The following UNC13C variants were observed in gnomAD, a reference collection of about 807,000 sequenced individuals.
The protein encoded by UNC13C is protein unc-13 homolog C.
In UNC13C, 174 loss-of-function variants were observed where a neutral mutation model predicts 245.4. That is an observed-to-expected ratio of 0.71 (90% CI 0.63 to 0.80). UNC13C has a LOEUF of 0.80. Among genes scored for constraint, UNC13C ranks in the 30% least tolerant of loss-of-function variants. UNC13C has a pLI of 0.00. For synonymous variants in UNC13C, 992 were observed against 895.1 expected (o/e 1.11, Z -1.93); for missense variants, 2,829 against 2,602.9 (o/e 1.09, Z -1.89).
chr15:54,459,640 G>A (rs1002718687), intron 19 of UNC13C, among the ~76,000 whole-genome samples: 1 of 151,866 alleles, frequency 6.6e-6, no homozygotes, highest in Non-Finnish European at 1.5e-5. Flanking sequence ...TGAAAGCCTT[G>A]TCTTTGAGTT....
chr15:54,001,959 G>A (rs769618897), intron 1 of UNC13C, among the ~76,000 whole-genome samples: 19 of 152,214 alleles, frequency 1.2e-4, no homozygotes, highest in Admixed American at 2.6e-4. Flanking sequence ...CACTTGAACA[G>A]TATGATGCGG....
intron 17 of UNC13C, among the ~76,000 whole-genome samples, chr15:54,391,770 A>G (rs1043611485): frequency 3.3e-5 from 5 of 152,140 alleles, no homozygotes; most frequent in African/African-American, 1.2e-4. Flanking sequence ...TATGCTCTTA[A>G]AAGTACATTA....
Position 54,297,911 on chromosome 15 carries a change from T to C in UNC13C, c.4089T>C (p.Tyr1363=). The C allele has an allele frequency of 6.4e-7, 1 of 1,567,724 alleles. No individual in the cohort carries two copies. Among genetic ancestry groups the C allele is most frequent in the African/African-American group, 1.4e-5 (1 of 73,754 alleles). The change falls in exon 12 of 33, where the codon TAT becomes TAC. Residue 1363 remains tyrosine (Y), a synonymous_variant. Coordinates refer to ENST00000260323, the MANE Select transcript of UNC13C (RefSeq NM_001080534.3). ...EEKVAPYHIQ[Y]TCLHENLFHY... ...AGGTTGCTCCATATCATATTCAATA[T>C]ACATGTTTACATGAGGTAAATAAAT...
chr15:54,014,460 C>T lies in UNC13C; in HGVS notation c.1557C>T (p.Ile519=), dbSNP rs1352502972. 8 of 1,613,716 alleles carry T rather than the reference C, an allele frequency of 5.0e-6. No homozygotes were observed. The highest frequency in any genetic ancestry group is 6.8e-6 in the Non-Finnish European group (8 of 1,179,796). Residue 519 remains isoleucine, a synonymous_variant, in exon 2 of 33, where the codon ATC becomes ATT. Transcript: ENST00000260323. ...CCTCACAGTTGCCAGAATCAGATATCTTGGAAAAGCAAACCACAACCCATT... is the reference window on the plus strand; with the variant it reads ...CCTCACAGTTGCCAGAATCAGATATTTTGGAAAAGCAAACCACAACCCATT... ...KISSQLPESD[I]LEKQTTTHYA...
At chr15:54,620,957 C>A (rs572094304) in intron 30 of UNC13C, among the ~76,000 whole-genome samples, 1 of 152,094 alleles carries the variant, frequency 6.6e-6, no homozygotes, top group Non-Finnish European at 1.5e-5. Context: ...ATCTGTACTT[C>A]AGTGGTGAGG....
At chr15:54,575,677 T>G (rs771760446) in intron 30 of UNC13C, among the ~76,000 whole-genome samples, 2 of 152,232 alleles carry the variant, frequency 1.3e-5, no homozygotes, top group African/African-American at 2.4e-5. Context: ...TGCTTGGCCA[T>G]TTTCAACTTA....
Position 54,013,946 on chromosome 15 carries a change from T to G in UNC13C, c.1043T>G (p.Phe348Cys), listed in dbSNP as rs1217189666. The change falls in exon 2 of 33, where the codon TTT (phenylalanine) becomes TGT (cysteine). Residue 348 changes from phenylalanine to cysteine, a missense_variant. Coordinates refer to ENST00000260323, the MANE Select transcript of UNC13C (RefSeq NM_001080534.3). ...CAAATTCTAATAGATAAAATGGGTT[T>G]TTCAGATGCACCAAATGCTATTAAA... is the stretch of plus-strand genomic sequence containing the variant. ...VYQILIDKMG[F>C]SDAPNAIKIE... is the part of the protein sequence containing the mutation. 4 of 1,613,354 alleles carry G rather than the reference T, an allele frequency of 2.5e-6. No individual in the cohort carries two copies. The highest frequency in any genetic ancestry group is 2.2e-5 in the South Asian group (2 of 91,050).
At chr15:53,915,064 G>C in the UNC13C span, among the ~76,000 whole-genome samples, 1 of 152,138 alleles carries the variant, frequency 6.6e-6, no homozygotes, top group African/African-American at 2.4e-5. Flanking sequence ...GAGAACATGA[G>C]TTGACTCAGC....
the UNC13C span, among the ~76,000 whole-genome samples, chr15:53,873,960 C>G: frequency 9.8e-6 from 1 of 102,282 alleles, no homozygotes; most frequent in Non-Finnish European, 2.0e-5. Flanking sequence ...TCCTTCCTTC[C>G]TTCCTTCCTT....
chr15:54,130,680 T>G (rs1163802739), intron 2 of UNC13C, among the ~76,000 whole-genome samples: 1 of 152,204 alleles, frequency 6.6e-6, no homozygotes, highest in African/African-American at 2.4e-5. Context: ...GTATTTGGTA[T>G]AGGCTTAAGA....
intron 2 of UNC13C, 21 bp downstream of exon 2, chr15:54,015,907 C>G (rs1895635885): frequency 3.3e-6 from 5 of 1,518,420 alleles, no homozygotes; most frequent in Admixed American, 2.3e-5. Flanking sequence ...TTAAATGCTA[C>G]ATTGTGAGCT....
intron 2 of UNC13C, among the ~76,000 whole-genome samples, chr15:54,072,930 A>T (rs12901917): frequency 6.6e-6 from 1 of 151,630 alleles, no homozygotes; most frequent in African/African-American, 2.4e-5. Context: ...TATGCAGAAC[A>T]TGTAGGTTTG....
the UNC13C span, among the ~76,000 whole-genome samples, chr15:53,958,711 C>T: frequency 6.6e-6 from 1 of 152,152 alleles, no homozygotes; most frequent in Non-Finnish European, 1.5e-5. Flanking sequence ...TGGGGATCCA[C>T]ATGATAGTTT....
chr15:53,872,894 C>G, the UNC13C span, among the ~76,000 whole-genome samples: 3,815 of 152,318 alleles, frequency 0.025, 141 homozygotes, highest in African/African-American at 0.088. Flanking sequence ...CTTTCTTCAG[C>G]AAACTGAACT....
At chr15:54,332,276 C>A (rs767541424) in intron 15 of UNC13C, among the ~76,000 whole-genome samples, 165 bp downstream of exon 15, 2 of 150,354 alleles carry the variant, frequency 1.3e-5, no homozygotes, top group South Asian at 2.1e-4. Context: ...TGTTCAGATT[C>A]TTTGCCCCAC....
At chr15:54,336,742 A>G (rs986319707) in intron 16 of UNC13C, among the ~76,000 whole-genome samples, 3 of 152,096 alleles carry the variant, frequency 2.0e-5, no homozygotes, top group African/African-American at 7.2e-5. Context: ...TCCTTTCTCC[A>G]TTGAATTGCT....
intron 2 of UNC13C, chr15:54,049,858 C>T (rs551170719): frequency 3.4e-5 from 8 of 235,888 alleles, no homozygotes; most frequent in Middle Eastern, 1.6e-3. Flanking sequence ...CTGTAACTAT[C>T]CCATGCCTTA....
chr15:54,167,259 T>C (rs568596792), intron 4 of UNC13C, among the ~76,000 whole-genome samples: 5 of 151,860 alleles, frequency 3.3e-5, no homozygotes, highest in Admixed American at 6.6e-5. Flanking sequence ...TCCCAGCACG[T>C]TGGGAGGCCG....
intron 30 of UNC13C, among the ~76,000 whole-genome samples, chr15:54,603,910 A>G (rs561610857): frequency 6.6e-6 from 1 of 152,280 alleles, no homozygotes; most frequent in South Asian, 2.1e-4. Context: ...ACACCTGAGC[A>G]CGGCTTTTCT....
Sources: gnomAD v4.1 joint callset for allele counts (sites outside exome capture counted in the v4.1 genomes callset) on GRCh38, gnomAD v4.1.1 for gene constraint, MANE v1.5 for transcripts, NCBI Gene and HGNC (gene_info 2026-07-23, HGNC 2026-07-21) for gene names.